Variants in ACSS3 observed in about 807,000 individuals in gnomAD.
ACSS3 encodes the protein acyl-CoA synthetase short chain family member 3.
ACSS3 carries 64 observed loss-of-function variants against 84.2 expected under a neutral mutation model. The observed-to-expected ratio is 0.76, with a 90% confidence interval of 0.62 to 0.94. The LOEUF is 0.94. Among genes scored for constraint, ACSS3 ranks in the 40% least tolerant of loss-of-function variants. ACSS3 has a pLI of 0.00. For missense variants in ACSS3, 815 were observed against 867.6 expected, an observed-to-expected ratio of 0.94 and a Z score of 0.76; for synonymous variants, 317 against 310.1, an observed-to-expected ratio of 1.02 and a Z score of -0.23.
rs1168269884 is a variant in ACSS3 at position 81,128,535 on chromosome 12, T to C, written c.457-6281T>C. ...CTTGATGTCAGACTGAAAATCAATTTTACTGGTCTATCCTTGTGTAAAACC... is the reference window on the plus strand; with the variant it reads ...CTTGATGTCAGACTGAAAATCAATTCTACTGGTCTATCCTTGTGTAAAACC... On this transcript the variant is annotated intron_variant, in intron 2 of 15. Coordinates refer to ENST00000548058, the MANE Select transcript of ACSS3 (RefSeq NM_024560.4). 2.0e-5 allele frequency among the ~76,000 whole-genome samples: 3 copies of C among 152,268 alleles called. No homozygotes were observed. The East Asian group carries it at 5.8e-4, about 29-fold the overall frequency.
At chr12:81,085,472 A>G (rs903858103) in intron 1 of ACSS3, among the ~76,000 whole-genome samples, 2 of 152,210 alleles carry the variant, frequency 1.3e-5, no homozygotes, top group African/African-American at 4.8e-5. Context: ...CAGATGCTGC[A>G]AAGTTAGTAT....
At chr12:81,089,447 C>T (rs1881530638) in intron 1 of ACSS3, among the ~76,000 whole-genome samples, 1 of 151,866 alleles carries the variant, frequency 6.6e-6, no homozygotes, top group African/African-American at 2.4e-5. Flanking sequence ...CTAATAATAT[C>T]CCATTTTTTA....
chr12:81,136,384 A>G (rs56071723), intron 3 of ACSS3, among the ~76,000 whole-genome samples: 12,346 of 152,160 alleles, frequency 0.081, 590 homozygotes, highest in East Asian at 0.21. Context: ...CAACATGTAC[A>G]TGATAGGTGT....
chr12:81,103,522 G>A (rs1406470311), intron 1 of ACSS3, among the ~76,000 whole-genome samples: 3 of 152,058 alleles, frequency 2.0e-5, no homozygotes, highest in African/African-American at 4.8e-5. Flanking sequence ...CTAGTCAGTC[G>A]CAGTAAACCA....
chr12:81,256,552 C>T lies in ACSS3; in HGVS notation c.*1630C>T, dbSNP rs899038470. 6.6e-6 allele frequency: 1 copy of T among 152,050 alleles called. No individual in the cohort carries two copies. The highest frequency in any genetic ancestry group is 1.9e-4 in the East Asian group (1 of 5,184). 9.4% of individuals were successfully genotyped at this position (152,050 alleles called of 1,614,324 possible). ...ATCTTTGATCGTTCTTCAAGTATTT[C>T]TCAATCTTTTAATCTATCAGGAACA... On this transcript the variant is annotated 3_prime_UTR_variant, in exon 16 of 16. Transcript: ENST00000548058.
At chr12:81,189,607 T>C (rs1002848796) in intron 8 of ACSS3, among the ~76,000 whole-genome samples, 5 of 152,144 alleles carry the variant, frequency 3.3e-5, no homozygotes, top group Admixed American at 2.0e-4. Context: ...CCAAGTCCTT[T>C]ACTGACTTAT....
intron 11 of ACSS3, among the ~76,000 whole-genome samples, chr12:81,227,064 T>C (rs1291708906): frequency 6.6e-6 from 1 of 151,258 alleles, no homozygotes; most frequent in Non-Finnish European, 1.5e-5. Flanking sequence ...CATGCAGTTG[T>C]GAAGGCTAGC....
At chr12:81,203,609 A>C (rs1188681967) in intron 9 of ACSS3, among the ~76,000 whole-genome samples, 1 of 152,110 alleles carries the variant, frequency 6.6e-6, no homozygotes, top group African/African-American at 2.4e-5. Context: ...ACAGATTAGC[A>C]CCCTCCACCC....
intron 1 of ACSS3, among the ~76,000 whole-genome samples, chr12:81,108,090 AT>A (rs1225301631): frequency 1.3e-5 from 2 of 152,010 alleles, no homozygotes; most frequent in Non-Finnish European, 2.9e-5. Context: ...AAGAGGTAAT[AT>A]TTTTGAACAA....
chr12:81,148,499 C>CAA (rs2135745897), intron 5 of ACSS3, among the ~76,000 whole-genome samples: 1 of 152,170 alleles, frequency 6.6e-6, no homozygotes, highest in African/African-American at 2.4e-5. Flanking sequence ...TTTTAAACAC[C>CAA]ATAAACATTG....
intron 8 of ACSS3, among the ~76,000 whole-genome samples, chr12:81,192,061 T>C (rs2031596256): frequency 6.6e-6 from 1 of 152,194 alleles, no homozygotes; most frequent in South Asian, 2.1e-4. Flanking sequence ...TATGGTCTTG[T>C]CTTCCATTAT....
chr12:81,253,734 G>A lies in ACSS3; in HGVS notation c.1995+64G>A, dbSNP rs2034222222. The A allele has an allele frequency of 4.6e-6, 7 of 1,517,370 alleles. No homozygotes were observed. In the Admixed American group the frequency reaches 1.1e-4, roughly 24 times the overall value. 94.0% of individuals were successfully genotyped at this position (1,517,370 alleles called of 1,614,324 possible). A position where few individuals can be genotyped will look rare whatever the true frequency, so the allele number is the denominator to read the frequency against. The stretch of plus-strand genomic sequence containing the variant: ...ATTTTTCTTCATTTCTTTGGCATCA[G>A]CAAAGCTCTTAAAAATGGTTCTCAA... On this transcript the variant is annotated intron_variant, in intron 15 of 15. Coordinates refer to ENST00000548058, the MANE Select transcript of ACSS3 (RefSeq NM_024560.4).
Position 81,257,158 on chromosome 12 carries a change from G to C in ACSS3, c.*2236G>C, listed in dbSNP as rs987090469. On this transcript the variant is annotated 3_prime_UTR_variant, in exon 16 of 16. Transcript: ENST00000548058. Reference sequence around the variant, plus strand: ...ATTTTTTCTGGTAATCAAATCTGAAGCGACATCTCAGCAAGCAGACTTGGG... The same window carrying C: ...ATTTTTTCTGGTAATCAAATCTGAACCGACATCTCAGCAAGCAGACTTGGG... 1 of 152,076 alleles carries C rather than the reference G, an allele frequency of 6.6e-6. No homozygotes were observed. The highest frequency in any genetic ancestry group is 2.4e-5 in the African/African-American group (1 of 41,410). The allele number at this position is 152,076 out of a possible 1,614,324, so 9.4% of individuals were successfully genotyped here.
intron 5 of ACSS3, 196 bp from the exon 6 acceptor site, chr12:81,151,648 G>T: frequency 2.1e-6 from 1 of 487,506 alleles, no homozygotes. Flanking sequence ...GCACTAATGA[G>T]GACAAATTAT....
chr12:81,260,951 C>T lies in ACSS3; in HGVS notation c.*6029C>T, dbSNP rs2035277245. 6.6e-6 allele frequency: 1 copy of T among 152,086 alleles called. No homozygotes were observed. Among genetic ancestry groups the T allele is most frequent in the Non-Finnish European group, 1.5e-5 (1 of 68,002 alleles). The allele number at this position is 152,086 out of a possible 1,614,324, so 9.4% of individuals were successfully genotyped here. A position where few individuals can be genotyped will look rare whatever the true frequency, so the allele number is the denominator to read the frequency against. ...ATAAATCTAAGAAACCACAGTTTTA[C>T]TATTAAGACTGTTTTTCAATAAAAC... On this transcript the variant is annotated 3_prime_UTR_variant, in exon 16 of 16. Transcript: ENST00000548058.
At chr12:81,240,101 T>A (rs1283896425) in intron 13 of ACSS3, among the ~76,000 whole-genome samples, 1 of 152,000 alleles carries the variant, frequency 6.6e-6, no homozygotes, top group Non-Finnish European at 1.5e-5. Flanking sequence ...TTGATGGTAC[T>A]GTTGAACTGA....
chr12:81,224,568 AC>A (rs1593217832), intron 11 of ACSS3, among the ~76,000 whole-genome samples: 2 of 84,650 alleles, frequency 2.4e-5, no homozygotes, highest in East Asian at 2.6e-4. Context: ...ATATACACAC[AC>A]ACACATGTGT....
chr12:81,259,798 T>G lies in ACSS3; in HGVS notation c.*4876T>G. On this transcript the variant is annotated 3_prime_UTR_variant, in exon 16 of 16. Coordinates refer to ENST00000548058, the MANE Select transcript of ACSS3 (RefSeq NM_024560.4). ...ATCATGAGAAGGAAATCATCTAGGA[T>G]GTAGCCAACAGCCGTATGTAATTAA... 1.6e-6 allele frequency: 1 copy of G among 626,998 alleles called. No homozygotes were observed. The highest frequency in any genetic ancestry group is 2.6e-6 in the Non-Finnish European group (1 of 379,540). 38.8% of individuals were successfully genotyped at this position (626,998 alleles called of 1,614,324 possible).
Position 81,256,870 on chromosome 12 carries a change from C to T in ACSS3, c.*1948C>T, listed in dbSNP as rs1017178977. 1 of 152,098 alleles carries T rather than the reference C, an allele frequency of 6.6e-6. No homozygotes were observed. Among genetic ancestry groups the T allele is most frequent in the Non-Finnish European group, 1.5e-5 (1 of 68,014 alleles). 9.4% of individuals were successfully genotyped at this position (152,098 alleles called of 1,614,324 possible). A position where few individuals can be genotyped will look rare whatever the true frequency, so the allele number is the denominator to read the frequency against. On this transcript the variant is annotated 3_prime_UTR_variant, in exon 16 of 16. Transcript: ENST00000548058. ...CTGAATTAAACCAGCTACATAGACACTCTCTCATTTGAAGCTGTTGGGATC... is the reference window on the plus strand; with the variant it reads ...CTGAATTAAACCAGCTACATAGACATTCTCTCATTTGAAGCTGTTGGGATC...
Sources: allele counts gnomAD v4.1 joint callset (sites outside exome capture counted in the v4.1 genomes callset), GRCh38; gene constraint gnomAD v4.1.1; transcripts MANE v1.5; gene names NCBI Gene and HGNC (gene_info 2026-07-23, HGNC 2026-07-21).